DSCAM: variants seen among roughly 807,000 people sequenced by gnomAD.
DSCAM encodes cell adhesion molecule DSCAM.
Under a neutral mutation model 217.7 loss-of-function variants are expected in DSCAM, and 47 were observed. That is an observed-to-expected ratio of 0.22 (90% CI 0.17 to 0.28). The LOEUF (loss-of-function observed/expected upper bound fraction) is 0.28. DSCAM is among the 10% of genes least tolerant of loss of function. The pLI is 1.00. For missense variants in DSCAM, 2,080 were observed against 2,618.3 expected (o/e 0.79, Z 4.49); for synonymous variants, 1,056 against 1,015.3 (o/e 1.04, Z -0.76).
intron 3 of DSCAM, among the ~76,000 whole-genome samples, chr21:40,622,814 C>G (rs1313046414): frequency 6.7e-6 from 1 of 150,212 alleles, no homozygotes; most frequent in Non-Finnish European, 1.5e-5. Flanking sequence ...AGTCTGCCCC[C>G]AGGAAATACC....
intron 16 of DSCAM, among the ~76,000 whole-genome samples, chr21:40,160,474 G>GTA (rs1042477532): frequency 6.6e-6 from 1 of 152,094 alleles, no homozygotes; most frequent in African/African-American, 2.4e-5. Context: ...TTACATGTTT[G>GTA]TATATATATG....
intron 1 of DSCAM, among the ~76,000 whole-genome samples, chr21:40,728,277 A>C (rs1428108210): frequency 6.6e-6 from 1 of 152,212 alleles, no homozygotes; most frequent in East Asian, 1.9e-4. Flanking sequence ...AATTCCTACA[A>C]TAGTTTCTAG....
chr21:40,634,192 T>C (rs1339271135), intron 3 of DSCAM, among the ~76,000 whole-genome samples: 2 of 152,166 alleles, frequency 1.3e-5, no homozygotes, highest in African/African-American at 4.8e-5. Context: ...TTAAGAACTT[T>C]CAAAACACAG....
intron 3 of DSCAM, among the ~76,000 whole-genome samples, chr21:40,523,032 T>G (rs1313065884): frequency 6.6e-6 from 1 of 152,236 alleles, no homozygotes; most frequent in African/African-American, 2.4e-5. Context: ...TTTATTAATT[T>G]TGTTGACCTT....
At chr21:40,192,720 G>T (rs1288298929) in intron 11 of DSCAM, among the ~76,000 whole-genome samples, 1 of 151,992 alleles carries the variant, frequency 6.6e-6, no homozygotes, top group Non-Finnish European at 1.5e-5. Context: ...GCATAATGTT[G>T]TCAAGGTTCA....
At chr21:40,736,846 C>T (rs1452991351) in intron 1 of DSCAM, among the ~76,000 whole-genome samples, 7 of 151,948 alleles carry the variant, frequency 4.6e-5, no homozygotes, top group African/African-American at 1.7e-4. Context: ...TTTAATTTTA[C>T]TTAAAAACCC....
At chr21:40,758,092 C>T (rs1030533535) in intron 1 of DSCAM, among the ~76,000 whole-genome samples, 4 of 152,078 alleles carry the variant, frequency 2.6e-5, no homozygotes, top group African/African-American at 4.8e-5. Context: ...AGGGAGAACA[C>T]GGTATGATAG....
chr21:40,327,522 T>G (rs2074330879), intron 8 of DSCAM, among the ~76,000 whole-genome samples: 1 of 152,170 alleles, frequency 6.6e-6, no homozygotes, highest in African/African-American at 2.4e-5. Context: ...ATTTGAATTA[T>G]CTGAATGCCT....
chr21:40,752,973 T>C (rs1415388766), intron 1 of DSCAM, among the ~76,000 whole-genome samples: 2 of 152,160 alleles, frequency 1.3e-5, no homozygotes, highest in African/African-American at 4.8e-5. Context: ...TGGACTTACA[T>C]GGCTAACACC....
At chr21:40,079,053 G>A (rs1460853381) in intron 25 of DSCAM, 76 bp from the exon 26 acceptor site, 47 of 1,520,494 alleles carry the variant, frequency 3.1e-5, no homozygotes, top group Middle Eastern at 1.8e-4. Context: ...CATTTCCCTC[G>A]GACTGCTTCC....
intron 9 of DSCAM, among the ~76,000 whole-genome samples, chr21:40,298,037 G>T (rs7281323): frequency 6.6e-6 from 1 of 151,448 alleles, no homozygotes; most frequent in South Asian, 2.1e-4. Flanking sequence ...ATTAACTGCT[G>T]TAAGAGTGTT....
At chr21:40,354,112 T>C (rs2123651105) in intron 4 of DSCAM, among the ~76,000 whole-genome samples, 1 of 152,270 alleles carries the variant, frequency 6.6e-6, no homozygotes, top group East Asian at 1.9e-4. Flanking sequence ...AAATATGCAA[T>C]TTGAGATAAG....
chr21:40,530,796 C>G (rs1474648169), intron 3 of DSCAM, among the ~76,000 whole-genome samples: 1 of 152,122 alleles, frequency 6.6e-6, no homozygotes, highest in Non-Finnish European at 1.5e-5. Flanking sequence ...ACAACATCCT[C>G]CCTGTTTTCT....
At chr21:40,364,313 A>T (rs989606227) in intron 4 of DSCAM, among the ~76,000 whole-genome samples, 298 of 152,212 alleles carry the variant, frequency 2.0e-3, no homozygotes, top group African/African-American at 6.7e-3. Context: ...ATTAAGAAAA[A>T]GTGGCACATA....
chr21:40,057,069 A>G (rs538318745), intron 28 of DSCAM, among the ~76,000 whole-genome samples: 1 of 152,338 alleles, frequency 6.6e-6, no homozygotes, highest in East Asian at 1.9e-4. Context: ...TCCTCGTTTG[A>G]GTAAAAGCAA....
At chr21:40,231,192 A>G (rs1299911062) in intron 11 of DSCAM, among the ~76,000 whole-genome samples, 1 of 147,202 alleles carries the variant, frequency 6.8e-6, no homozygotes, top group Admixed American at 6.9e-5. Context: ...TTTGATCTTC[A>G]CTGTGAGAAT....
intron 4 of DSCAM, among the ~76,000 whole-genome samples, chr21:40,357,329 G>T (rs895957069): frequency 7.2e-5 from 11 of 152,160 alleles, no homozygotes; most frequent in Non-Finnish European, 1.3e-4. Context: ...AACCAATGAT[G>T]TCTCACTGAT....
intron 21 of DSCAM, among the ~76,000 whole-genome samples, chr21:40,089,690 T>A (rs2089580033): frequency 6.6e-6 from 1 of 152,048 alleles, no homozygotes; most frequent in Non-Finnish European, 1.5e-5. Flanking sequence ...TCCCCATCCC[T>A]CTAGGATGGG....
intron 1 of DSCAM, among the ~76,000 whole-genome samples, chr21:40,807,933 T>A (rs2123527681): frequency 6.6e-6 from 1 of 152,368 alleles, no homozygotes; most frequent in South Asian, 2.1e-4. Flanking sequence ...GTGGCTTTTG[T>A]TGTCTATAGT....
Sources: allele counts gnomAD v4.1 joint callset (sites outside exome capture counted in the v4.1 genomes callset), GRCh38; gene constraint gnomAD v4.1.1; transcripts MANE v1.5; gene names NCBI Gene and HGNC (gene_info 2026-07-23, HGNC 2026-07-21).